PTPRO: variants seen among roughly 807,000 people sequenced by gnomAD.
PTPRO encodes receptor-type tyrosine-protein phosphatase O.
A neutral mutation model predicts 145.2 loss-of-function variants in PTPRO; 62 were observed. That is an observed-to-expected ratio of 0.43 (90% CI 0.35 to 0.53). PTPRO has a LOEUF of 0.53. Among genes scored for constraint, PTPRO ranks in the 20% least tolerant of loss-of-function variants. The pLI is 0.01. For missense variants in PTPRO, 1,345 were observed against 1,482.7 expected, an observed-to-expected ratio of 0.91 and a Z score of 1.53; for synonymous variants, 565 against 514.7, an observed-to-expected ratio of 1.10 and a Z score of -1.32.
At chr12:15,325,951 T>C (rs926809456) in intron 1 of PTPRO, among the ~76,000 whole-genome samples, 3 of 152,312 alleles carry the variant, frequency 2.0e-5, no homozygotes, top group Admixed American at 2.0e-4. Flanking sequence ...ACCAGAGATA[T>C]CATCAAAGAA....
chr12:15,384,645 A>G (rs1292709489), intron 1 of PTPRO, among the ~76,000 whole-genome samples: 1 of 152,174 alleles, frequency 6.6e-6, no homozygotes, highest in Non-Finnish European at 1.5e-5. Flanking sequence ...CTGTCTCCAA[A>G]TGCCGTTACA....
intron 1 of PTPRO, among the ~76,000 whole-genome samples, chr12:15,369,545 T>A (rs1565590659): frequency 6.6e-6 from 1 of 152,174 alleles, no homozygotes; most frequent in Non-Finnish European, 1.5e-5. Context: ...AAATATGCAA[T>A]TGGAATTACT....
At chr12:15,478,259 G>T (rs972215760) in intron 1 of PTPRO, among the ~76,000 whole-genome samples, 4 of 152,164 alleles carry the variant, frequency 2.6e-5, no homozygotes. Flanking sequence ...TATAGTAAGG[G>T]AAAAGAGATC....
At chr12:15,331,099 G>A (rs1866595398) in intron 1 of PTPRO, among the ~76,000 whole-genome samples, 1 of 152,072 alleles carries the variant, frequency 6.6e-6, no homozygotes, top group Non-Finnish European at 1.5e-5. Flanking sequence ...GTCTTGAGAG[G>A]CACCGATTGT....
intron 23 of PTPRO, among the ~76,000 whole-genome samples, chr12:15,583,739 A>T (rs1024077447): frequency 6.6e-6 from 1 of 152,116 alleles, no homozygotes; most frequent in Admixed American, 6.6e-5. Flanking sequence ...GCTGACCCTT[A>T]AAATAGGCAA....
chr12:15,520,285 G>A lies in PTPRO; in HGVS notation c.1864G>A (p.Asp622Asn), dbSNP rs1446940461. 3.7e-6 allele frequency: 6 copies of A among 1,612,782 alleles called. No homozygotes were observed. The highest frequency in any genetic ancestry group is 5.1e-6 in the Non-Finnish European group (6 of 1,179,074). ...TWGDPELSCC[D>N]SSTISFITAP... ...GGGAGATCCAGAATTGAGCTGCTGTGACAGCTCTACCATCAGCTTCATAAC... is the reference window on the plus strand; with the variant it reads ...GGGAGATCCAGAATTGAGCTGCTGTAACAGCTCTACCATCAGCTTCATAAC... The change falls in exon 10 of 27, where the codon GAC (aspartate) becomes AAC (asparagine). Residue 622 changes from aspartate (D) to asparagine (N), a missense_variant. Physicochemically the swap from Asp to Asn is conservative, Grantham distance 23. Coordinates refer to ENST00000281171, the MANE Select transcript of PTPRO (RefSeq NM_030667.3).
chr12:15,565,667 T>C, intron 18 of PTPRO, 39 bp downstream of exon 18: 2 of 1,337,642 alleles, frequency 1.5e-6, no homozygotes, highest in South Asian at 1.2e-5. Flanking sequence ...AGGATGTTTG[T>C]TATAATAATC....
chr12:15,588,690 T>A (rs1944481070), intron 24 of PTPRO, among the ~76,000 whole-genome samples: 1 of 152,172 alleles, frequency 6.6e-6, no homozygotes, highest in African/African-American at 2.4e-5. Flanking sequence ...ATCTCTGTGG[T>A]CCCAGACCTA....
intron 1 of PTPRO, among the ~76,000 whole-genome samples, chr12:15,406,053 A>G (rs1939639711): frequency 6.6e-6 from 1 of 152,174 alleles, no homozygotes; most frequent in Non-Finnish European, 1.5e-5. Flanking sequence ...TTTTATATTA[A>G]TCTGTGGTTT....
At chr12:15,418,067 G>T (rs1310598516) in intron 1 of PTPRO, among the ~76,000 whole-genome samples, 1 of 151,722 alleles carries the variant, frequency 6.6e-6, no homozygotes, top group Non-Finnish European at 1.5e-5. Flanking sequence ...ACATCACTAG[G>T]CACACTCTTA....
At chr12:15,450,197 C>T (rs1363513610) in intron 1 of PTPRO, among the ~76,000 whole-genome samples, 2 of 152,086 alleles carry the variant, frequency 1.3e-5, no homozygotes, top group Non-Finnish European at 2.9e-5. Flanking sequence ...CAGGAAATTC[C>T]CTCTAAAATT....
At chr12:15,394,533 T>C (rs1000605375) in intron 1 of PTPRO, among the ~76,000 whole-genome samples, 2 of 152,152 alleles carry the variant, frequency 1.3e-5, no homozygotes, top group Non-Finnish European at 2.9e-5. Flanking sequence ...GATCTATTGG[T>C]TTTATTCATA....
intron 6 of PTPRO, among the ~76,000 whole-genome samples, chr12:15,507,496 G>T (rs1282381278): frequency 2.6e-5 from 4 of 152,076 alleles, no homozygotes; most frequent in African/African-American, 7.2e-5. Context: ...AAGGTTATAT[G>T]CTAAAAAACA....
At chr12:15,385,529 A>T (rs981315655) in intron 1 of PTPRO, among the ~76,000 whole-genome samples, 1 of 152,048 alleles carries the variant, frequency 6.6e-6, no homozygotes, top group African/African-American at 2.4e-5. Context: ...AGAAGGATAG[A>T]TGCAGCCGGG....
chr12:15,421,739 C>T (rs887137446), intron 1 of PTPRO, among the ~76,000 whole-genome samples: 1 of 152,108 alleles, frequency 6.6e-6, no homozygotes, highest in Non-Finnish European at 1.5e-5. Context: ...ATTAAAGGAA[C>T]CTTATTTTTA....
At chr12:15,510,854 A>T (rs917515836) in intron 7 of PTPRO, among the ~76,000 whole-genome samples, 1 of 152,074 alleles carries the variant, frequency 6.6e-6, no homozygotes, top group Admixed American at 6.6e-5. Context: ...ACTATCATCT[A>T]GTTCAACCCT....
chr12:15,485,226 C>T (rs1196463051), intron 2 of PTPRO, among the ~76,000 whole-genome samples: 1 of 152,058 alleles, frequency 6.6e-6, no homozygotes, highest in Non-Finnish European at 1.5e-5. Context: ...TAATTAAAGT[C>T]TCCATTGGCA....
chr12:15,363,763 C>G (rs1037197262), intron 1 of PTPRO, among the ~76,000 whole-genome samples: 1 of 152,040 alleles, frequency 6.6e-6, no homozygotes, highest in African/African-American at 2.4e-5. Flanking sequence ...GAGGGACTTA[C>G]AGCTCTTTGC....
chr12:15,471,696 G>A (rs253827), intron 1 of PTPRO, among the ~76,000 whole-genome samples: 140,395 of 152,106 alleles, frequency 0.92, 65,628 homozygotes, highest in East Asian at 1. Context: ...CTTCCTCTTT[G>A]CTCCCAAATA....
Sources: gnomAD v4.1 joint callset for allele counts (sites outside exome capture counted in the v4.1 genomes callset) on GRCh38, gnomAD v4.1.1 for gene constraint, MANE v1.5 for transcripts, NCBI Gene and HGNC (gene_info 2026-07-23, HGNC 2026-07-21) for gene names.